Variants in ST3GAL2 observed in about 807,000 individuals in gnomAD.
ST3GAL2 encodes ST3 beta-galactoside alpha-2,3-sialyltransferase 2.
A neutral mutation model predicts 37.5 loss-of-function variants in ST3GAL2; 16 were observed. The ratio of observed to expected loss-of-function variants is 0.43; its 90% CI spans 0.29 to 0.65. ST3GAL2 has a LOEUF of 0.65. Ranked by LOEUF, ST3GAL2 falls within the 30% of genes least tolerant of loss-of-function variation. The pLI is 0.17. For missense variants in ST3GAL2, 383 were observed against 487.8 expected (o/e 0.79, Z 2.02); for synonymous variants, 238 against 202.9 (o/e 1.17, Z -1.47).
intron 1 of ST3GAL2, 163 bp from the exon 2 acceptor site, chr16:70,399,696 T>A: frequency 2.8e-6 from 1 of 362,854 alleles, no homozygotes; most frequent in Non-Finnish European, 4.9e-6. Flanking sequence ...ACAGATAGCA[T>A]CACTGTGTGG....
At chr16:70,410,817 T>TG (rs1173638203) in intron 1 of ST3GAL2, among the ~76,000 whole-genome samples, 1 of 150,698 alleles carries the variant, frequency 6.6e-6, no homozygotes, top group African/African-American at 2.4e-5. Flanking sequence ...TGTTTTTTTT[T>TG]TTTTTTTTTG....
intron 1 of ST3GAL2, among the ~76,000 whole-genome samples, chr16:70,408,607 C>G (rs2047610416): frequency 6.6e-6 from 1 of 152,002 alleles, no homozygotes; most frequent in South Asian, 2.1e-4. Context: ...GACTCAGGCC[C>G]TTTCCACTCC....
chr16:70,409,805 A>ATTTT (rs980660367), intron 1 of ST3GAL2, among the ~76,000 whole-genome samples: 2 of 129,058 alleles, frequency 1.5e-5, no homozygotes, highest in Non-Finnish European at 3.3e-5. Flanking sequence ...ACCTGGCTAA[A>ATTTT]TTTTTTTTTT....
intron 1 of ST3GAL2, among the ~76,000 whole-genome samples, chr16:70,408,235 AG>A (rs2047607328): frequency 6.6e-6 from 1 of 152,072 alleles, no homozygotes; most frequent in East Asian, 1.9e-4. Context: ...TCAAGCCCAG[AG>A]CTCCTTCCAC....
chr16:70,384,711 A>G (rs1291798824), intron 4 of ST3GAL2, among the ~76,000 whole-genome samples: 7 of 150,344 alleles, frequency 4.7e-5, no homozygotes, highest in Non-Finnish European at 1.0e-4. Flanking sequence ...GTCTCAAAAA[A>G]AAAAAAAAAA....
Position 70,388,361 on chromosome 16 carries a change from G to A in ST3GAL2, c.713+6C>T, listed in dbSNP as rs753808922. The A allele has an allele frequency of 6.2e-7, 1 of 1,614,068 alleles. No individual in the cohort carries two copies. The highest frequency in any genetic ancestry group is 2.2e-5 in the East Asian group (1 of 44,872). On this transcript the variant is annotated splice_donor_region_variant and intron_variant, in intron 4 of 6. Coordinates refer to ENST00000342907, the MANE Select transcript of ST3GAL2 (RefSeq NM_006927.4). ...CATATTCTACCCAGGCCAGCAAGAA[G>A]CTCACAATCGGATCTGCCCCGTGGA...
chr16:70,416,807 G>A (rs576229831), intron 1 of ST3GAL2, among the ~76,000 whole-genome samples: 4 of 152,132 alleles, frequency 2.6e-5, no homozygotes, highest in African/African-American at 7.2e-5. Flanking sequence ...AGGGGTGTGC[G>A]TGTAAAGCTG....
chr16:70,397,109 C>T (rs1289786190), intron 2 of ST3GAL2, among the ~76,000 whole-genome samples: 6 of 145,048 alleles, frequency 4.1e-5, no homozygotes, highest in Admixed American at 1.4e-4. Flanking sequence ...GGTGCAATCT[C>T]GGCTCACTGC....
intron 1 of ST3GAL2, among the ~76,000 whole-genome samples, chr16:70,432,975 C>T (rs530114923): frequency 3.3e-4 from 51 of 152,342 alleles, no homozygotes; most frequent in African/African-American, 1.1e-3. Flanking sequence ...GCGGCCCCAC[C>T]GCCTCAGGGC....
chr16:70,383,044 G>C (rs969993173), intron 5 of ST3GAL2, 120 bp from the exon 6 acceptor site: 8 of 1,580,676 alleles, frequency 5.1e-6, no homozygotes, highest in Non-Finnish European at 6.9e-6. Context: ...CTCCTGAATC[G>C]TGTGGCACCT....
At chr16:70,413,294 C>T (rs1414979523) in intron 1 of ST3GAL2, among the ~76,000 whole-genome samples, 2 of 149,954 alleles carry the variant, frequency 1.3e-5, no homozygotes, top group African/African-American at 4.9e-5. Context: ...CAAGTGCCTA[C>T]AGCCCTAGCT....
At chr16:70,424,763 G>A (rs1400402678) in intron 1 of ST3GAL2, among the ~76,000 whole-genome samples, 1 of 152,174 alleles carries the variant, frequency 6.6e-6, no homozygotes, top group Non-Finnish European at 1.5e-5. Context: ...CTTTAACTCA[G>A]ATGCCTGTGG....
rs560096291 is a variant in ST3GAL2 at position 70,385,298 on chromosome 16, A to AAAAC, written c.714-2067_714-2064dup. Among the ~76,000 whole-genome samples the AAAAC allele has an allele frequency of 2.5e-3, 375 of 152,178 alleles. 2 individuals carry two copies. The Middle Eastern group carries it at 0.027, about 11-fold the overall frequency. On this transcript the variant is annotated intron_variant, in intron 4 of 6. Coordinates refer to ENST00000342907, the MANE Select transcript of ST3GAL2 (RefSeq NM_006927.4). ...GTGACAGAGTGAGACTCTGTCTCCAAAAACAAACAAACAAACAAACAAACA... is the reference window on the plus strand; with the variant it reads ...GTGACAGAGTGAGACTCTGTCTCCAAAAACAAACAAACAAACAAACAAACAAACA...
chr16:70,381,579 C>A lies in ST3GAL2; in HGVS notation c.*110G>T. On this transcript the variant is annotated 3_prime_UTR_variant, in exon 7 of 7. Coordinates refer to ENST00000342907, the MANE Select transcript of ST3GAL2 (RefSeq NM_006927.4). ...CAGTCTCGTGATTGGCGGGGCACAG[C>A]AGACGCCCCTGGGCTGCAGCATGAT... 7.5e-7 allele frequency: 1 copy of A among 1,339,304 alleles called. No individual in the cohort carries two copies. Among genetic ancestry groups the A allele is most frequent in the Non-Finnish European group, 1.0e-6 (1 of 996,842 alleles). 83.0% of individuals were successfully genotyped at this position (1,339,304 alleles called of 1,614,324 possible).
intron 1 of ST3GAL2, among the ~76,000 whole-genome samples, chr16:70,412,277 A>G (rs185210671): frequency 1.3e-5 from 2 of 152,346 alleles, no homozygotes; most frequent in Admixed American, 1.3e-4. Context: ...TCTGGCATCC[A>G]ATGTTGATAA....
At chr16:70,411,814 G>A (rs1046727080) in intron 1 of ST3GAL2, among the ~76,000 whole-genome samples, 2 of 152,002 alleles carry the variant, frequency 1.3e-5, no homozygotes, top group East Asian at 1.9e-4. Flanking sequence ...GACCAACATG[G>A]AGAAACCCCG....
chr16:70,398,673 T>C lies in ST3GAL2; in HGVS notation c.-143A>G. 1 of 766,278 alleles carries C rather than the reference T, an allele frequency of 1.3e-6. No homozygotes were observed. Among genetic ancestry groups the C allele is most frequent in the Non-Finnish European group, 2.1e-6 (1 of 485,328 alleles). 47.5% of individuals were successfully genotyped at this position (766,278 alleles called of 1,614,324 possible). On this transcript the variant is annotated 5_prime_UTR_variant, in exon 2 of 7. Coordinates refer to ENST00000342907, the MANE Select transcript of ST3GAL2 (RefSeq NM_006927.4). Reference sequence around the variant, plus strand: ...CTGCAGCAGGGGACAGTGGCAGGGGTCCCTTGCCACGCCCTCCCTCATGTA... The same window carrying C: ...CTGCAGCAGGGGACAGTGGCAGGGGCCCCTTGCCACGCCCTCCCTCATGTA...
chr16:70,438,931 C>A lies in ST3GAL2; in HGVS notation c.-1004+18G>T. ...CGGGGCGCTCTGCATCCCGCCCGCC[C>A]TCATCCCACCCGCGCACCTCAGTCA... On this transcript the variant is annotated intron_variant, in intron 1 of 6. Coordinates refer to ENST00000342907, the MANE Select transcript of ST3GAL2 (RefSeq NM_006927.4). 1 of 150,862 alleles carries A rather than the reference C, an allele frequency of 6.6e-6. No homozygotes were observed. Among genetic ancestry groups the A allele is most frequent in the South Asian group, 1.8e-4 (1 of 5,466 alleles). The allele number at this position is 150,862 out of a possible 1,614,324, so 9.3% of individuals were successfully genotyped here. A position where few individuals can be genotyped will look rare whatever the true frequency, so the allele number is the denominator to read the frequency against.
intron 1 of ST3GAL2, among the ~76,000 whole-genome samples, chr16:70,406,276 T>G (rs1267354597): frequency 1.3e-5 from 2 of 151,750 alleles, no homozygotes; most frequent in Non-Finnish European, 2.9e-5. Flanking sequence ...AAACCCCATC[T>G]CTACTAAAAA....
Sources: gnomAD v4.1 joint callset for allele counts (sites outside exome capture counted in the v4.1 genomes callset) on GRCh38, gnomAD v4.1.1 for gene constraint, MANE v1.5 for transcripts, NCBI Gene and HGNC (gene_info 2026-07-23, HGNC 2026-07-21) for gene names.